SHB: variants seen among roughly 807,000 people sequenced by gnomAD.
The protein encoded by SHB is SH2 domain containing adaptor protein B, also known as SH2 domain-containing adapter protein B.
SHB carries 20 observed loss-of-function variants against 52.3 expected under a neutral mutation model. That is an observed-to-expected ratio of 0.38 (90% CI 0.27 to 0.56). The LOEUF is 0.56. Ranked by LOEUF, SHB falls within the 20% of genes least tolerant of loss-of-function variation. The pLI is 0.71. For missense variants in SHB, 825 were observed against 723.3 expected, an observed-to-expected ratio of 1.14 and a Z score of -1.61; for synonymous variants, 397 against 316.5, an observed-to-expected ratio of 1.25 and a Z score of -2.70.
At chr9:37,950,442 T>C (rs1430360735) in intron 4 of SHB, among the ~76,000 whole-genome samples, 2 of 152,284 alleles carry the variant, frequency 1.3e-5, no homozygotes, top group Non-Finnish European at 2.9e-5. Context: ...CTGATTTTCA[T>C]GACTGGAAGA....
intron 5 of SHB, among the ~76,000 whole-genome samples, chr9:37,923,251 G>A (rs1448190251): frequency 1.3e-5 from 2 of 152,212 alleles, no homozygotes; most frequent in African/African-American, 4.8e-5. Flanking sequence ...GTCAGACTCT[G>A]AGCAAACATC....
chr9:37,930,304 C>G (rs1832298147), intron 5 of SHB, among the ~76,000 whole-genome samples: 1 of 152,154 alleles, frequency 6.6e-6, no homozygotes, highest in African/African-American at 2.4e-5. Context: ...GAGGTTTGCT[C>G]TCTTTCCGCA....
At chr9:38,049,043 C>A (rs767040310) in intron 1 of SHB, among the ~76,000 whole-genome samples, 1 of 152,190 alleles carries the variant, frequency 6.6e-6, no homozygotes, top group Non-Finnish European at 1.5e-5. Context: ...ATTTTTGAGA[C>A]AGAGTCTCGC....
rs1026148169 is a variant in SHB at position 37,930,189 on chromosome 9, T to C, written c.1347-10185A>G. The stretch of plus-strand genomic sequence containing the variant: ...TAAGTGTCTACTGTGTGCACTGCTC[T>C]AAATGCAACATTTCTGAGGGAGACA... On this transcript the variant is annotated intron_variant, in intron 5 of 5. Transcript: ENST00000377707. Among the ~76,000 whole-genome samples, 8 of 152,344 alleles carry C rather than the reference T, an allele frequency of 5.3e-5. No individual in the cohort carries two copies. In the East Asian group the frequency reaches 1.5e-3, roughly 29 times the overall value.
At position 38,013,590 on chromosome 9, in the gene SHB, G is replaced by A. The variant is rs139130567; in HGVS notation, c.838+2421C>T. Among the ~76,000 whole-genome samples, 1,189 of 152,290 alleles carry A rather than the reference G, an allele frequency of 7.8e-3. 14 individuals carry two copies. Among genetic ancestry groups the A allele is most frequent in the African/African-American group, 0.026 (1,093 of 41,558 alleles). ...CTGTACTCCAGCCTGGGCAACAGAGGAAGACCCTGTCTCAAAAAAAGCCGA... is the reference window on the plus strand; with the variant it reads ...CTGTACTCCAGCCTGGGCAACAGAGAAAGACCCTGTCTCAAAAAAAGCCGA... On this transcript the variant is annotated intron_variant, in intron 2 of 5. Coordinates refer to ENST00000377707, the MANE Select transcript of SHB (RefSeq NM_003028.3).
At chr9:37,993,272 G>A (rs57437603) in intron 2 of SHB, among the ~76,000 whole-genome samples, 5,261 of 152,230 alleles carry the variant, frequency 0.035, 177 homozygotes, top group African/African-American at 0.087. Context: ...GTGTGTGCGC[G>A]TGTGTGTGTT....
intron 5 of SHB, among the ~76,000 whole-genome samples, chr9:37,941,488 G>C (rs764852913): frequency 6.6e-6 from 1 of 152,186 alleles, no homozygotes; most frequent in Non-Finnish European, 1.5e-5. Context: ...TGTCTTCACC[G>C]CTGTGCAGAG....
intron 1 of SHB, among the ~76,000 whole-genome samples, chr9:38,021,166 AGT>A (rs899964919): frequency 2.0e-5 from 3 of 151,430 alleles, no homozygotes; most frequent in Admixed American, 2.0e-4. Context: ...GGAGAAACCC[AGT>A]CTCTCCTAAA....
At chr9:38,013,164 G>A (rs946500599) in intron 2 of SHB, among the ~76,000 whole-genome samples, 1 of 152,094 alleles carries the variant, frequency 6.6e-6, no homozygotes, top group African/African-American at 2.4e-5. Flanking sequence ...GGTAAACTAG[G>A]GCACAGCTGC....
intron 1 of SHB, among the ~76,000 whole-genome samples, chr9:38,044,831 C>A (rs776467296): frequency 1.3e-5 from 2 of 152,234 alleles, no homozygotes; most frequent in African/African-American, 4.8e-5. Flanking sequence ...TGGGGTCAGG[C>A]CCCGTGCAAG....
At chr9:37,999,035 T>TG (rs2118035084) in intron 2 of SHB, among the ~76,000 whole-genome samples, 1 of 152,272 alleles carries the variant, frequency 6.6e-6, no homozygotes, top group South Asian at 2.1e-4. Flanking sequence ...CACAGAGCCC[T>TG]GGGGAGCCCC....
intron 2 of SHB, among the ~76,000 whole-genome samples, chr9:38,001,599 G>A (rs368925284): frequency 1.2e-4 from 18 of 152,354 alleles, no homozygotes; most frequent in African/African-American, 2.9e-4. Context: ...GGTTGGGTTC[G>A]ATACTCTCCA....
At chr9:37,934,967 T>C (rs542337626) in intron 5 of SHB, among the ~76,000 whole-genome samples, 7 of 152,358 alleles carry the variant, frequency 4.6e-5, no homozygotes, top group South Asian at 2.1e-4. Flanking sequence ...TAGGAACTGA[T>C]TGCTTCCTGA....
rs184242979 is a variant in SHB at position 38,004,712 on chromosome 9, A to G, written c.838+11299T>C. 4.0e-4 allele frequency among the ~76,000 whole-genome samples: 61 copies of G among 152,208 alleles called. No homozygotes were observed. In the East Asian group the frequency reaches 9.7e-3, roughly 24 times the overall value. ...GTTGCCAGAGAGGGTAGCTTCACGG[A>G]GGGCTGTGTGGCTGGGGGCACGGGC... On this transcript the variant is annotated intron_variant, in intron 2 of 5. Transcript: ENST00000377707.
intron 1 of SHB, among the ~76,000 whole-genome samples, chr9:38,047,078 C>T (rs1337484798): frequency 1.3e-5 from 2 of 152,222 alleles, no homozygotes; most frequent in African/African-American, 4.8e-5. Flanking sequence ...GGTTCAGTGC[C>T]AGCTGTGGGG....
intron 5 of SHB, among the ~76,000 whole-genome samples, chr9:37,943,822 C>T (rs1323198152): frequency 2.6e-5 from 4 of 152,244 alleles, no homozygotes; most frequent in Non-Finnish European, 4.4e-5. Context: ...AAGTCCTTCC[C>T]TCATCTTGTC....
chr9:38,031,677 G>A (rs946048477), intron 1 of SHB, among the ~76,000 whole-genome samples: 2 of 152,258 alleles, frequency 1.3e-5, no homozygotes, highest in African/African-American at 2.4e-5. Context: ...AGACCATCAC[G>A]GGAGCTGGTT....
At chr9:37,992,416 A>T (rs188483086) in intron 2 of SHB, among the ~76,000 whole-genome samples, 2 of 152,282 alleles carry the variant, frequency 1.3e-5, no homozygotes, top group East Asian at 3.9e-4. Flanking sequence ...AAATAAAAAT[A>T]AAAAATAAAT....
At chr9:38,028,562 G>A (rs1821373346) in intron 1 of SHB, among the ~76,000 whole-genome samples, 1 of 152,198 alleles carries the variant, frequency 6.6e-6, no homozygotes, top group South Asian at 2.1e-4. Context: ...ATATGGCTCA[G>A]GCCACACCAG....
Sources: allele counts gnomAD v4.1 joint callset (sites outside exome capture counted in the v4.1 genomes callset), GRCh38; gene constraint gnomAD v4.1.1; transcripts MANE v1.5; gene names NCBI Gene and HGNC (gene_info 2026-07-23, HGNC 2026-07-21).